The following SDK1 variants were observed in gnomAD, a reference collection of about 807,000 sequenced individuals.
The protein encoded by SDK1 is sidekick cell adhesion molecule 1.
In SDK1, 157 loss-of-function variants were observed where a neutral mutation model predicts 245.5. The observed-to-expected ratio is 0.64, with a 90% CI of 0.56 to 0.73. The LOEUF is 0.73. Ranked by LOEUF, SDK1 falls within the 30% of genes least tolerant of loss-of-function variation. SDK1 has a pLI of 0.00. For synonymous variants in SDK1, 1,647 were observed against 1,278.5 expected, an observed-to-expected ratio of 1.29 and a Z score of -6.15; for missense variants, 3,583 against 3,002.3, an observed-to-expected ratio of 1.19 and a Z score of -4.52.
At position 3,799,210 on chromosome 7, in the gene SDK1, A is replaced by G. The variant is rs1345178844; in HGVS notation, c.714-22240A>G. ...TTCAAAATACTTATTTTTCGTTTTC[A>G]GGACATTCAGTTGGTATGTACTTTG... is the stretch of plus-strand genomic sequence containing the variant. On this transcript the variant is annotated intron_variant, in intron 4 of 44. Transcript: ENST00000404826. Among the ~76,000 whole-genome samples the G allele has an allele frequency of 2.6e-5, 4 of 152,086 alleles. No homozygotes were observed. In the East Asian group the frequency reaches 7.7e-4, roughly 29 times the overall value.
intron 4 of SDK1, among the ~76,000 whole-genome samples, chr7:3,644,961 C>T (rs764936288): frequency 1.7e-4 from 26 of 150,296 alleles, no homozygotes; most frequent in Non-Finnish European, 3.4e-4. Context: ...ATTAGGCTTT[C>T]CTCTCAAGCA....
At chr7:3,514,383 A>G (rs1006030767) in intron 1 of SDK1, among the ~76,000 whole-genome samples, 6 of 152,248 alleles carry the variant, frequency 3.9e-5, no homozygotes, top group Admixed American at 3.9e-4. Context: ...TAGATAATTT[A>G]CATATCAGTT....
At chr7:3,968,237 A>G (rs1017832861) in intron 10 of SDK1, among the ~76,000 whole-genome samples, 7 of 152,216 alleles carry the variant, frequency 4.6e-5, no homozygotes, top group Admixed American at 4.6e-4. Flanking sequence ...GCTTCAGCCC[A>G]CTGTGGGTTC....
intron 1 of SDK1, among the ~76,000 whole-genome samples, chr7:3,583,563 G>C (rs1233401813): frequency 1.3e-5 from 2 of 152,170 alleles, no homozygotes; most frequent in Non-Finnish European, 2.9e-5. Flanking sequence ...CATTCACTGA[G>C]TAACTAGTAA....
At chr7:4,230,070 AGG>A (rs1366061914) in intron 40 of SDK1, among the ~76,000 whole-genome samples, 10 of 131,702 alleles carry the variant, frequency 7.6e-5, no homozygotes, top group African/African-American at 2.8e-4. Flanking sequence ...GAAGGAAGGA[AGG>A]AAGGAAGGAA....
chr7:3,728,841 GGTA>G (rs1330172672), intron 4 of SDK1, among the ~76,000 whole-genome samples: 1 of 152,084 alleles, frequency 6.6e-6, no homozygotes, highest in African/African-American at 2.4e-5. Context: ...CCTGACCTCA[GGTA>G]ACCCGCCCAC....
chr7:4,161,759 C>T (rs1268840337), intron 31 of SDK1, 27 bp from the exon 32 acceptor site: 8 of 1,603,146 alleles, frequency 5.0e-6, no homozygotes, highest in Non-Finnish European at 6.0e-6. Flanking sequence ...CACCCTGACC[C>T]CCGCTTTCCT....
At chr7:3,369,849 G>A (rs376176338) in intron 1 of SDK1, among the ~76,000 whole-genome samples, 1 of 152,204 alleles carries the variant, frequency 6.6e-6, no homozygotes, top group African/African-American at 2.4e-5. Context: ...TTTATGGCGT[G>A]CAGTGTTTCA....
intron 19 of SDK1, among the ~76,000 whole-genome samples, chr7:4,054,783 G>T (rs768401988): frequency 2.6e-5 from 4 of 151,932 alleles, no homozygotes; most frequent in Non-Finnish European, 5.9e-5. Flanking sequence ...CCTCACTATT[G>T]CTAATTGGTT....
intron 1 of SDK1, among the ~76,000 whole-genome samples, chr7:3,434,058 G>A (rs996855480): frequency 6.6e-6 from 1 of 152,142 alleles, no homozygotes; most frequent in African/African-American, 2.4e-5. Context: ...AATAGAAGGA[G>A]GTGCAACAAT....
At chr7:3,906,759 C>G (rs544977972) in intron 5 of SDK1, among the ~76,000 whole-genome samples, 151 of 150,734 alleles carry the variant, frequency 1.0e-3, no homozygotes, top group African/African-American at 3.6e-3. Context: ...TCCTGAGTAG[C>G]TGGGACTACA....
At chr7:3,461,117 A>G (rs964899399) in intron 1 of SDK1, among the ~76,000 whole-genome samples, 6 of 152,114 alleles carry the variant, frequency 3.9e-5, no homozygotes, top group Non-Finnish European at 8.8e-5. Context: ...GATGTGTTGT[A>G]CAAACCAATT....
At chr7:3,845,652 C>A (rs981862051) in intron 5 of SDK1, among the ~76,000 whole-genome samples, 2 of 151,492 alleles carry the variant, frequency 1.3e-5, no homozygotes, top group African/African-American at 4.9e-5. Context: ...GCAGTGGGCT[C>A]CCTTTAGCAT....
At chr7:4,246,641 A>C (rs1414519514) in intron 44 of SDK1, among the ~76,000 whole-genome samples, 1 of 152,076 alleles carries the variant, frequency 6.6e-6, no homozygotes, top group African/African-American at 2.4e-5. Flanking sequence ...CCTTGCGCTG[A>C]AGAAGAGGGA....
At chr7:3,907,874 A>T (rs1430398337) in intron 5 of SDK1, among the ~76,000 whole-genome samples, 1 of 152,164 alleles carries the variant, frequency 6.6e-6, no homozygotes, top group Admixed American at 6.5e-5. Flanking sequence ...ACCCAGTGTG[A>T]GTTTCAGTGG....
chr7:3,704,427 A>G (rs934955956), intron 4 of SDK1, among the ~76,000 whole-genome samples: 4 of 150,440 alleles, frequency 2.7e-5, no homozygotes, highest in Admixed American at 6.6e-5. Context: ...ATCTCACTGT[A>G]GTTTTAATTT....
At chr7:4,172,256 G>A (rs985157682) in intron 32 of SDK1, among the ~76,000 whole-genome samples, 1 of 152,242 alleles carries the variant, frequency 6.6e-6, no homozygotes, top group Admixed American at 6.5e-5. Flanking sequence ...TTGAGCTAAT[G>A]TGGTAGCAGG....
intron 1 of SDK1, among the ~76,000 whole-genome samples, chr7:3,326,237 CAT>C (rs1779937856): frequency 6.6e-6 from 1 of 152,038 alleles, no homozygotes. Flanking sequence ...TTTTGGTGAA[CAT>C]GTTTCTAGAA....
intron 17 of SDK1, among the ~76,000 whole-genome samples, chr7:4,045,599 G>C (rs74713369): frequency 6.6e-6 from 1 of 152,112 alleles, no homozygotes; most frequent in Non-Finnish European, 1.5e-5. Context: ...TTACCCGGGG[G>C]CAGGATTACC....
Sources: allele counts gnomAD v4.1 joint callset (sites outside exome capture counted in the v4.1 genomes callset), GRCh38; gene constraint gnomAD v4.1.1; transcripts MANE v1.5; gene names NCBI Gene and HGNC (gene_info 2026-07-23, HGNC 2026-07-21).